Variants in ZSCAN18 observed in about 807,000 individuals in gnomAD.
ZSCAN18 encodes the protein zinc finger and SCAN domain-containing protein 18.
A neutral mutation model predicts 31.1 loss-of-function variants in ZSCAN18; 16 were observed. The ratio of observed to expected loss-of-function variants is 0.51; its 90% CI spans 0.35 to 0.78. The LOEUF (loss-of-function observed/expected upper bound fraction) is 0.78, where lower values mean the gene tolerates loss of function less well. Ranked by LOEUF, ZSCAN18 falls within the 30% of genes least tolerant of loss-of-function variation. The pLI is 0.01. For missense variants in ZSCAN18, 731 were observed against 697.4 expected (o/e 1.05, Z -0.54); for synonymous variants, 375 against 320.7 (o/e 1.17, Z -1.81).
chr19:58,087,117 T>C, intron 4 of ZSCAN18, 109 bp from the exon 5 acceptor site: 2 of 1,070,458 alleles, frequency 1.9e-6, no homozygotes, highest in Non-Finnish European at 2.7e-6. Context: ...GGCCAGGGAC[T>C]CTAACCCAGG....
rs774871725 is a variant in ZSCAN18 at position 58,084,900 on chromosome 19, G to A, written c.1318C>T (p.Arg440Cys). Residue 440 changes from arginine (R) to cysteine (C), a missense_variant, in exon 7 of 7, where the codon CGC (arginine) becomes TGC (cysteine). Physicochemically the swap from Arg to Cys is radical, Grantham distance 180. This residue lies in a region of ZSCAN18 where 597 missense variants were observed against 499.5 expected (regional missense o/e 1.20). Transcript: ENST00000601144. This position sits in a 1 kb window ranked among gnomAD's most constrained non-coding sequence, Gnocchi z 4.5. ...EHHSSHGGRK[R>C]YACQGCWKTF... ...TTCCAGCAGCCCTGACAGGCGTAGC[G>A]CTTCCGGCCGCCATGGCTGCTGTGG... 6.3e-7 allele frequency: 1 copy of A among 1,592,946 alleles called. No homozygotes were observed. Among genetic ancestry groups the A allele is most frequent in the South Asian group, 1.1e-5 (1 of 88,302 alleles).
At chr19:58,115,023 C>T (rs1371510953) in intron 1 of ZSCAN18, among the ~76,000 whole-genome samples, 1 of 152,180 alleles carries the variant, frequency 6.6e-6, no homozygotes, top group South Asian at 2.1e-4. Flanking sequence ...TGGGAAAATG[C>T]TAGTTTGTAA....
intron 1 of ZSCAN18, among the ~76,000 whole-genome samples, chr19:58,091,404 G>A (rs1004080405): frequency 6.6e-6 from 1 of 152,000 alleles, no homozygotes; most frequent in African/African-American, 2.4e-5. Flanking sequence ...GTAGGGAGCG[G>A]GGGGCTCCCT....
intron 1 of ZSCAN18, among the ~76,000 whole-genome samples, chr19:58,111,329 TG>T (rs1429853446): frequency 6.6e-6 from 1 of 152,100 alleles, no homozygotes; most frequent in Non-Finnish European, 1.5e-5. Flanking sequence ...GTTGTTTGCA[TG>T]GTTAAAACTG....
At chr19:58,096,672 C>A (rs947997421) in intron 1 of ZSCAN18, among the ~76,000 whole-genome samples, 1 of 152,186 alleles carries the variant, frequency 6.6e-6, no homozygotes, top group Non-Finnish European at 1.5e-5. Flanking sequence ...CACTCATCGG[C>A]AGGGTCTAGC....
At chr19:58,096,801 T>C (rs556915856) in intron 1 of ZSCAN18, among the ~76,000 whole-genome samples, 3 of 152,282 alleles carry the variant, frequency 2.0e-5, no homozygotes, top group South Asian at 2.1e-4. Context: ...CACAGATCAC[T>C]TACTCATTAT....
chr19:58,110,911 G>A (rs180750431), intron 1 of ZSCAN18, among the ~76,000 whole-genome samples: 146 of 152,306 alleles, frequency 9.6e-4, no homozygotes, highest in Non-Finnish European at 1.7e-3. Context: ...GCTCACGCCT[G>A]TAATCCCAGC....
rs1405886603 is a variant in ZSCAN18, at chr19:58,085,152, G to T, written c.1066C>A (p.Gln356Lys). 1.9e-6 allele frequency: 3 copies of T among 1,610,722 alleles called. No homozygotes were observed. Residue 356 changes from glutamine to lysine, a missense_variant, in exon 7 of 7, where the codon CAG becomes AAG. This residue lies in a region of ZSCAN18 where 597 missense variants were observed against 499.5 expected (regional missense o/e 1.20). Transcript: ENST00000601144. ...ATGSQRQSVIQQPAPDRGTAK... is the reference protein window; with the variant it reads ...ATGSQRQSVIKQPAPDRGTAK... ...GTGCCCCTGTCCGGGGCAGGCTGCT[G>T]GATGACGGACTGCCTCTGCGATCCG...
chr19:58,088,378 G>A (rs1293651726), intron 3 of ZSCAN18: 4 of 265,026 alleles, frequency 1.5e-5, no homozygotes, highest in South Asian at 6.4e-5. Context: ...ATGAGGGGAC[G>A]TGCATCAGGA....
upstream of ZSCAN18, among the ~76,000 whole-genome samples, chr19:58,099,905 G>A (rs531163223): frequency 4.1e-4 from 61 of 149,332 alleles, no homozygotes; most frequent in South Asian, 1.3e-3. Flanking sequence ...TAAAGTATCT[G>A]TTCGTATCTT....
At chr19:58,093,906 G>C (rs868481784) in intron 1 of ZSCAN18, among the ~76,000 whole-genome samples, 1 of 151,882 alleles carries the variant, frequency 6.6e-6, no homozygotes, top group African/African-American at 2.4e-5. Context: ...ACTGGGGTTA[G>C]AGGCACTTGC....
At chr19:58,102,523 C>T (rs2074603555), upstream of ZSCAN18, among the ~76,000 whole-genome samples, 1 of 152,080 alleles carries the variant, frequency 6.6e-6, no homozygotes, top group African/African-American at 2.4e-5. Context: ...TTTGGCTTCC[C>T]CCCACATTAT....
At chr19:58,094,197 ACCATCCTGGCTAACACCGTGAAACC>A (rs1178305261) in intron 1 of ZSCAN18, among the ~76,000 whole-genome samples, 1 of 151,310 alleles carries the variant, frequency 6.6e-6, no homozygotes, top group Non-Finnish European at 1.5e-5. Context: ...GGAGATCGAG[ACCATCCTGGCTAACACCGTGAAACC>A]CCATCTCTAC....
chr19:58,099,537 A>C (rs929639420), upstream of ZSCAN18, among the ~76,000 whole-genome samples: 2 of 152,216 alleles, frequency 1.3e-5, no homozygotes, highest in Non-Finnish European at 2.9e-5. Flanking sequence ...ATTAAAAATA[A>C]AGCTGCTATG....
rs775055072 is a variant in ZSCAN18 at position 58,088,759 on chromosome 19, A to C, written c.482T>G (p.Leu161Arg). The change falls in exon 3 of 7, where the codon CTG (leucine) becomes CGG (arginine). Residue 161 changes from leucine to arginine, a missense_variant. Transcript: ENST00000601144. Reference protein sequence around the residue: ...GVYERHMDPLLLPGELASPSQ... With the variant: ...GVYERHMDPLRLPGELASPSQ... Reference sequence around the variant, plus strand: ...GGGGCTCGCGAGCTCGCCTGGTAGCAGCAGAGGGTCCATGTGCCTCTCGTA... The same window carrying C: ...GGGGCTCGCGAGCTCGCCTGGTAGCCGCAGAGGGTCCATGTGCCTCTCGTA... The C allele has an allele frequency of 4.3e-6, 7 of 1,610,418 alleles. No individual in the cohort carries two copies. In the Admixed American group the frequency reaches 1.2e-4, roughly 27 times the overall value.
chr19:58,084,646 C>G lies in ZSCAN18; in HGVS notation c.*39G>C. ...CAATGCCTCGTCTGGGATTCACGGC[C>G]GGCAAAGCGGCCCCTCCGGAACGGG... On this transcript the variant is annotated 3_prime_UTR_variant, in exon 7 of 7. Coordinates refer to ENST00000601144, the MANE Select transcript of ZSCAN18 (RefSeq NM_001145543.2). The surrounding 1 kb of genome is among the most constrained non-coding windows in gnomAD (Gnocchi z 4.5). 2 of 1,434,908 alleles carry G rather than the reference C, an allele frequency of 1.4e-6. No individual in the cohort carries two copies. The highest frequency in any genetic ancestry group is 1.8e-6 in the Non-Finnish European group (2 of 1,098,946). 88.9% of individuals were successfully genotyped at this position (1,434,908 alleles called of 1,614,324 possible).
At chr19:58,099,805 T>C (rs1005993278), upstream of ZSCAN18, among the ~76,000 whole-genome samples, 1 of 152,240 alleles carries the variant, frequency 6.6e-6, no homozygotes, top group African/African-American at 2.4e-5. Flanking sequence ...TACTGATATA[T>C]CATTGTGGTT....
chr19:58,104,558 C>T (rs2146020748), intron 1 of ZSCAN18, among the ~76,000 whole-genome samples: 1 of 151,408 alleles, frequency 6.6e-6, no homozygotes, highest in East Asian at 1.9e-4. Flanking sequence ...AAAAATTAGC[C>T]AGGCATGGTG....
intron 1 of ZSCAN18, among the ~76,000 whole-genome samples, chr19:58,094,981 C>T (rs896522473): frequency 1.3e-5 from 2 of 151,632 alleles, no homozygotes; most frequent in African/African-American, 2.4e-5. Context: ...CCCTTAATCC[C>T]AGGAGTTGGA....
Sources: allele counts gnomAD v4.1 joint callset (sites outside exome capture counted in the v4.1 genomes callset), GRCh38; gene constraint gnomAD v4.1.1; regional missense constraint gnomAD v4.1.1; non-coding constraint Gnocchi (gnomAD v3.1); transcripts MANE v1.5; gene names NCBI Gene and HGNC (gene_info 2026-07-23, HGNC 2026-07-21).